The following MAN2A2 variants were observed in gnomAD, a reference collection of about 807,000 sequenced individuals.
The protein encoded by MAN2A2 is alpha-mannosidase 2x.
MAN2A2 carries 79 observed loss-of-function variants against 126.8 expected under a neutral mutation model. The observed-to-expected ratio is 0.62, with a 90% confidence interval of 0.52 to 0.75. The LOEUF (loss-of-function observed/expected upper bound fraction) is 0.75. MAN2A2 is among the 30% of genes least tolerant of loss of function. The pLI, the probability that MAN2A2 is intolerant of heterozygous loss-of-function variation, is 0.00. For missense variants in MAN2A2, 1,392 were observed against 1,522.4 expected, an observed-to-expected ratio of 0.91 and a Z score of 1.43; for synonymous variants, 671 against 618.7, an observed-to-expected ratio of 1.08 and a Z score of -1.25.
chr15:90,907,604 C>T (rs1471313204), intron 8 of MAN2A2, 109 bp downstream of exon 8: 3 of 1,018,486 alleles, frequency 2.9e-6, no homozygotes, highest in Non-Finnish European at 2.8e-6. Flanking sequence ...GGCTCCTAGC[C>T]TCTGCAGCAG....
chr15:90,912,493 C>A, intron 15 of MAN2A2, 49 bp from the exon 16 acceptor site: 1 of 1,604,624 alleles, frequency 6.2e-7, no homozygotes, highest in Non-Finnish European at 8.5e-7. Flanking sequence ...AGGAGGCAGG[C>A]CTGACATGCT....
chr15:90,918,825 C>A (rs997190239), intron 22 of MAN2A2, 70 bp downstream of exon 22: 7 of 1,106,162 alleles, frequency 6.3e-6, no homozygotes, highest in Admixed American at 2.0e-5. Flanking sequence ...GGCTGAGATT[C>A]GGTGACAGGC....
At chr15:90,912,518 G>A in intron 15 of MAN2A2, 24 bp from the exon 16 acceptor site, 2 of 1,611,270 alleles carry the variant, frequency 1.2e-6, no homozygotes. Flanking sequence ...TGGGGCCAGG[G>A]GTCAGGGCTG....
intron 8 of MAN2A2, among the ~76,000 whole-genome samples, chr15:90,908,855 T>C (rs1596149143): frequency 6.6e-6 from 1 of 152,126 alleles, no homozygotes; most frequent in Admixed American, 6.5e-5. Context: ...GGATTACAGG[T>C]GTGAGCCACT....
intron 18 of MAN2A2, 60 bp downstream of exon 18, chr15:90,913,466 C>T (rs887144176): frequency 1.6e-5 from 25 of 1,577,758 alleles, no homozygotes; most frequent in Non-Finnish European, 2.0e-5. Flanking sequence ...TCTGCTTTTG[C>T]CCCTGTCACA....
At position 90,903,334 on chromosome 15, in the gene MAN2A2, G is replaced by C. The variant is rs1455662532; in HGVS notation, c.-117G>C. 1.3e-5 allele frequency: 2 copies of C among 152,576 alleles called. No individual in the cohort carries two copies. Among genetic ancestry groups the C allele is most frequent in the Non-Finnish European group, 2.9e-5 (2 of 68,318 alleles). The allele number at this position is 152,576 out of a possible 1,614,324, so 9.5% of individuals were successfully genotyped here. A position where few individuals can be genotyped will look rare whatever the true frequency, so the allele number is the denominator to read the frequency against. ...GCTAAGTAGGGCACAACGCAGAGGC[G>C]ACAAAGCTCCTCGGCCCCAGGGCCC... On this transcript the variant is annotated 5_prime_UTR_variant, in exon 1 of 23. Coordinates refer to ENST00000559717, the MANE Select transcript of MAN2A2 (RefSeq NM_006122.4).
intron 12 of MAN2A2, 84 bp from the exon 13 acceptor site, chr15:90,911,087 G>C (rs2034692293): frequency 6.6e-7 from 1 of 1,518,730 alleles, no homozygotes. Flanking sequence ...GCCCAGTGCA[G>C]CCGCTGGTCC....
chr15:90,918,130 T>G, intron 20 of MAN2A2, 64 bp from the exon 21 acceptor site: 1 of 1,484,470 alleles, frequency 6.7e-7, no homozygotes, highest in Non-Finnish European at 9.3e-7. Flanking sequence ...GCTTTTATCC[T>G]GCCTCGTCCT....
chr15:90,904,039 G>A (rs1288985499), intron 1 of MAN2A2, 151 bp from the exon 2 acceptor site: 1 of 815,206 alleles, frequency 1.2e-6, no homozygotes, highest in South Asian at 1.4e-5. Context: ...GACCAGGTGG[G>A]CCAGCCTCAG....
intron 14 of MAN2A2, 121 bp downstream of exon 14, chr15:90,911,671 AGT>A: frequency 8.6e-7 from 1 of 1,164,656 alleles, no homozygotes; most frequent in East Asian, 2.6e-5. Flanking sequence ...GCTGAGGACA[AGT>A]GTCCTGGGGA....
At chr15:90,904,475 AAT>A in intron 2 of MAN2A2, 136 bp downstream of exon 2, 1 of 995,418 alleles carries the variant, frequency 1.0e-6, no homozygotes, top group Non-Finnish European at 1.4e-6. Context: ...CTTCCTTCCC[AAT>A]AGTCAGGTTT....
intron 8 of MAN2A2, 59 bp from the exon 9 acceptor site, chr15:90,909,268 G>A (rs894964199): frequency 1.2e-4 from 191 of 1,536,350 alleles, no homozygotes; most frequent in African/African-American, 2.1e-4. Flanking sequence ...ATGGCTGTGC[G>A]TGGTGCTCTT....
rs900080726 is a variant in MAN2A2 at position 90,905,416 on chromosome 15, G to T, written c.298G>T (p.Val100Leu). 6.2e-7 allele frequency: 1 copy of T among 1,613,808 alleles called. No homozygotes were observed. Among genetic ancestry groups the T allele is most frequent in the Non-Finnish European group, 8.5e-7 (1 of 1,180,026 alleles). ...CTACACGGTCAATGGCTCCTGGGTG[G>T]TGCCACCGGAGCCCCGGCCCAGCTT... The part of the protein sequence containing the change: ...PYYTVNGSWV[V>L]PPEPRPSFFS... The change falls in exon 3 of 23, where the codon GTG becomes TTG. Residue 100 changes from valine to leucine, a missense_variant. Transcript: ENST00000559717.
intron 1 of MAN2A2, chr15:90,903,788 C>T (rs2034025446): frequency 3.2e-6 from 1 of 312,796 alleles, no homozygotes; most frequent in Non-Finnish European, 6.3e-6. Flanking sequence ...CTATCAGTCT[C>T]TTTGGGTTCT....
chr15:90,906,772 C>T lies in MAN2A2; in HGVS notation c.868C>T (p.Pro290Ser). The T allele has an allele frequency of 1.2e-6, 2 of 1,613,460 alleles. No individual in the cohort carries two copies. Among genetic ancestry groups the T allele is most frequent in the Non-Finnish European group, 1.7e-6 (2 of 1,179,954 alleles). Residue 290 changes from proline to serine, a missense_variant, in exon 7 of 23, where the codon CCC (proline) becomes TCC (serine). Pro to Ser is a moderately conservative substitution (Grantham distance 74). Transcript: ENST00000559717. ...ATPRSGWAVDPFGYSSTMPYL... is the reference protein window; with the variant it reads ...ATPRSGWAVDSFGYSSTMPYL... Reference sequence around the variant, plus strand: ...CCCCCGCTCTGGCTGGGCAGTGGACCCCTTTGGATACAGCTCCACCATGCC... The same window carrying T: ...CCCCCGCTCTGGCTGGGCAGTGGACTCCTTTGGATACAGCTCCACCATGCC...
Position 90,918,690 on chromosome 15 carries a change from A to G in MAN2A2, c.3235A>G (p.Lys1079Glu). ...SAETALILHR[K>E]GFDCGLEAKN... ...GGAGACCGCACTCATCTTACACCGC[A>G]AGGGTTTTGACTGCGGCCTGGAGGC... Residue 1079 changes from lysine to glutamate, a missense_variant, in exon 22 of 23, where the codon AAG becomes GAG. Lys to Glu is a moderately conservative substitution (Grantham distance 56). Transcript: ENST00000559717. 5 of 1,521,804 alleles carry G rather than the reference A, an allele frequency of 3.3e-6. No individual in the cohort carries two copies. The highest frequency in any genetic ancestry group is 4.6e-6 in the Non-Finnish European group (5 of 1,096,382). 94.3% of individuals were successfully genotyped at this position (1,521,804 alleles called of 1,614,324 possible).
rs139227537 is a variant in MAN2A2, at chr15:90,912,568, C to T, written c.2373C>T (p.His791=). The T allele has an allele frequency of 1.7e-4, 282 of 1,613,950 alleles. No homozygotes were observed. The highest frequency in any genetic ancestry group is 3.6e-4 in the South Asian group (33 of 91,084). ...LKSIRRVDEE[H]EQQVDMQVLV... is the part of the protein sequence containing the mutation. ...GCATCCGAAGGGTGGATGAGGAGCA[C>T]GAGCAGCAGGTGGACATGCAGGTCC... is the stretch of plus-strand genomic sequence containing the variant. Residue 791 remains histidine (H), a synonymous_variant, in exon 16 of 23, where the codon CAC becomes CAT. Transcript: ENST00000559717.
At chr15:90,911,308 A>G in intron 13 of MAN2A2, 70 bp downstream of exon 13, 8 of 1,613,260 alleles carry the variant, frequency 5.0e-6, no homozygotes, top group Non-Finnish European at 6.8e-6. Context: ...CTGCCCCAGC[A>G]TGTGCTGAAC....
Position 90,920,088 on chromosome 15 carries a change from G to A in MAN2A2, c.*301G>A. ...GACACCCAACTGGGCACAGGCTCAG[G>A]CACCCATCCTTTTTCCAAACAGGGA... On this transcript the variant is annotated 3_prime_UTR_variant, in exon 23 of 23. Coordinates refer to ENST00000559717, the MANE Select transcript of MAN2A2 (RefSeq NM_006122.4). 2.9e-6 allele frequency: 1 copy of A among 343,910 alleles called. No homozygotes were observed. 21.3% of individuals were successfully genotyped at this position (343,910 alleles called of 1,614,324 possible). A position where few individuals can be genotyped will look rare whatever the true frequency, so the allele number is the denominator to read the frequency against.
Sources: allele counts gnomAD v4.1 joint callset (sites outside exome capture counted in the v4.1 genomes callset), GRCh38; gene constraint gnomAD v4.1.1; transcripts MANE v1.5; gene names NCBI Gene and HGNC (gene_info 2026-07-23, HGNC 2026-07-21).